SMG7: variants seen among roughly 807,000 people sequenced by gnomAD.
SMG7 encodes nonsense-mediated mRNA decay factor SMG7.
Under a neutral mutation model 148.2 loss-of-function variants are expected in SMG7, and 34 were observed. The ratio of observed to expected loss-of-function variants is 0.23; its 90% CI spans 0.17 to 0.31. SMG7 has a LOEUF of 0.31. Ranked by LOEUF, SMG7 falls within the 10% of genes least tolerant of loss-of-function variation. The probability of loss-of-function intolerance (pLI) is 1.00; values close to 1 mark genes in which losing one functional copy is unlikely to be tolerated. For synonymous variants in SMG7, 492 were observed against 515.1 expected (o/e 0.96, Z 0.61); for missense variants, 1,114 against 1,408.4 (o/e 0.79, Z 3.35).
rs146409162 is a variant in SMG7, at chr1:183,510,232, A to G, written c.30-2605A>G. The stretch of plus-strand genomic sequence containing the variant: ...GTCATTCATTGAATCTAGTAAAGGT[A>G]CATAATTAACCCTAGCTTTCTCACT... On this transcript the variant is annotated intron_variant, in intron 1 of 22. Coordinates refer to ENST00000688051, the MANE Select transcript of SMG7 (RefSeq NM_001375584.1). Among the ~76,000 whole-genome samples the G allele has an allele frequency of 5.7e-4, 87 of 152,320 alleles. 1 individual carries two copies. Among genetic ancestry groups the G allele is most frequent in the Middle Eastern group, 6.8e-3 (2 of 294 alleles).
At chr1:183,545,439 A>G in intron 16 of SMG7, 127 bp downstream of exon 16, 1 of 1,086,066 alleles carries the variant, frequency 9.2e-7, no homozygotes, top group Non-Finnish European at 1.3e-6. Context: ...TTATGGGAAA[A>G]CAAAAGTATT....
chr1:183,547,664 A>AT (rs545973536), intron 18 of SMG7, among the ~76,000 whole-genome samples: 38 of 150,098 alleles, frequency 2.5e-4, no homozygotes, highest in South Asian at 4.2e-4. Flanking sequence ...TATGTTCTTG[A>AT]TTTTTTTTTT....
chr1:183,553,262 G>C lies in SMG7; in HGVS notation c.*1331G>C. The C allele has an allele frequency of 7.0e-7, 1 of 1,419,310 alleles. No homozygotes were observed. Among genetic ancestry groups the C allele is most frequent in the Non-Finnish European group, 9.5e-7 (1 of 1,057,846 alleles). The allele number at this position is 1,419,310 out of a possible 1,614,324, so 87.9% of individuals were successfully genotyped here. On this transcript the variant is annotated 3_prime_UTR_variant, in exon 23 of 23. Coordinates refer to ENST00000688051, the MANE Select transcript of SMG7 (RefSeq NM_001375584.1). ...CTGAAAATGTTCTTGTGTAGAAACA[G>C]AAGGACAGCATTTCTGTTAGTCATT...
chr1:183,544,441 C>G lies in SMG7; in HGVS notation c.1931C>G (p.Ser644Cys). Residue 644 changes from serine (S) to cysteine (C), a missense_variant, in exon 15 of 23, where the codon TCC (serine) becomes TGC (cysteine). Ser to Cys is a moderately radical substitution (Grantham distance 112, BLOSUM62 -1). Coordinates refer to ENST00000688051, the MANE Select transcript of SMG7 (RefSeq NM_001375584.1). ...VTQTPTQASNSQFIPIHHPGA... is the reference protein window; with the variant it reads ...VTQTPTQASNCQFIPIHHPGA... ...CAAACCCCAACTCAAGCAAGTAACT[C>G]CCAGTTCATCCCCATTCATCACCCT... The G allele has an allele frequency of 6.2e-7, 1 of 1,613,900 alleles. No homozygotes were observed. The highest frequency in any genetic ancestry group is 8.5e-7 in the Non-Finnish European group (1 of 1,179,848).
rs1668146611 is a variant in SMG7, at chr1:183,538,235, T to C, written c.1235-145T>C. 4.9e-6 allele frequency: 3 copies of C among 616,070 alleles called. No individual in the cohort carries two copies. In the East Asian group the frequency reaches 8.5e-5, roughly 17 times the overall value. 38.2% of individuals were successfully genotyped at this position (616,070 alleles called of 1,614,324 possible). ...AGTTTTGACAGGTGAGTTATTTTCATCAGGATCATGATAAAGAAGAGCAGA... is the reference window on the plus strand; with the variant it reads ...AGTTTTGACAGGTGAGTTATTTTCACCAGGATCATGATAAAGAAGAGCAGA... On this transcript the variant is annotated intron_variant, in intron 11 of 22. Transcript: ENST00000688051.
In SMG7 at chr1:183,545,819, A is replaced by G. The variant is rs1036851421; in HGVS notation, c.2371-147A>G. On this transcript the variant is annotated intron_variant, in intron 16 of 22. Coordinates refer to ENST00000688051, the MANE Select transcript of SMG7 (RefSeq NM_001375584.1). Reference sequence around the variant, plus strand: ...GTTTCCAAAAAGCTCTGAGTATTGAATAGCCCAAAAGGTAAAGGAAACTGC... The same window carrying G: ...GTTTCCAAAAAGCTCTGAGTATTGAGTAGCCCAAAAGGTAAAGGAAACTGC... 5.9e-6 allele frequency: 5 copies of G among 842,318 alleles called. No homozygotes were observed. In the African/African-American group the frequency reaches 8.6e-5, roughly 14 times the overall value. 52.2% of individuals were successfully genotyped at this position (842,318 alleles called of 1,614,324 possible).
chr1:183,527,051 A>T lies in SMG7; in HGVS notation c.484+284A>T, dbSNP rs565713369. Among the ~76,000 whole-genome samples the T allele has an allele frequency of 6.6e-6, 1 of 152,264 alleles. No homozygotes were observed. The highest frequency in any genetic ancestry group is 2.1e-4 in the South Asian group (1 of 4,830). On this transcript the variant is annotated intron_variant, in intron 5 of 22. Transcript: ENST00000688051. This position sits in a 1 kb window ranked among gnomAD's most constrained non-coding sequence, Gnocchi z 4.0. ...ACAGCAAAAACATAATCAAAGCTTAATTTTTCAAAGTGGTGCCATAATTTC... is the reference window on the plus strand; with the variant it reads ...ACAGCAAAAACATAATCAAAGCTTATTTTTTCAAAGTGGTGCCATAATTTC...
At chr1:183,498,175 A>G (rs73054009) in intron 1 of SMG7, among the ~76,000 whole-genome samples, 3 of 152,270 alleles carry the variant, frequency 2.0e-5, no homozygotes, top group African/African-American at 7.2e-5. Context: ...ACCTGTTCCA[A>G]GTTAGAAAGT....
chr1:183,544,841 C>G, intron 15 of SMG7, 89 bp from the exon 16 acceptor site: 3 of 1,325,836 alleles, frequency 2.3e-6, no homozygotes, highest in Non-Finnish European at 3.1e-6. Flanking sequence ...TAGAAGACTC[C>G]CTCTACCTAC....
rs1355045358 is a variant in SMG7 at position 183,544,950 on chromosome 1, G to A, written c.2008G>A (p.Val670Ile). 6.2e-7 allele frequency: 1 copy of A among 1,613,440 alleles called. No individual in the cohort carries two copies. The highest frequency in any genetic ancestry group is 2.2e-5 in the East Asian group (1 of 44,862). Residue 670 changes from valine (V) to isoleucine (I), a missense_variant, in exon 16 of 23, where the codon GTT (valine) becomes ATT (isoleucine). This residue lies in a region of SMG7 where 788 missense variants were observed against 894.5 expected (regional missense o/e 0.88). Coordinates refer to ENST00000688051, the MANE Select transcript of SMG7 (RefSeq NM_001375584.1). ...SRPGFPPPTY[V>I]IPPPVAFSMG... ...TGAAGGGTTTCCGCCCCCAACATAT[G>A]TTATCCCCCCGCCTGTGGCATTTTC...
intron 10 of SMG7, among the ~76,000 whole-genome samples, chr1:183,536,544 A>AT (rs936806201): frequency 6.6e-6 from 1 of 152,180 alleles, no homozygotes; most frequent in African/African-American, 2.4e-5. Context: ...ACAAATACAT[A>AT]TATAGTACGT....
chr1:183,540,728 C>T (rs1316648967), intron 12 of SMG7, among the ~76,000 whole-genome samples: 1 of 152,068 alleles, frequency 6.6e-6, no homozygotes, highest in African/African-American at 2.4e-5. Context: ...TATTTGAGCT[C>T]CCTGACTAGA....
chr1:183,533,613 T>C, intron 9 of SMG7, 63 bp from the exon 10 acceptor site: 6 of 1,405,602 alleles, frequency 4.3e-6, no homozygotes, highest in Non-Finnish European at 4.9e-6. Context: ...GCACATAATA[T>C]TTTAATTTGA....
chr1:183,506,042 T>C (rs1571886551), intron 1 of SMG7, among the ~76,000 whole-genome samples: 1 of 152,242 alleles, frequency 6.6e-6, no homozygotes, highest in Non-Finnish European at 1.5e-5. Flanking sequence ...TTGTTCTGTC[T>C]GGATTCTTCA....
At chr1:183,476,705 C>T (rs1442386552) in intron 1 of SMG7, among the ~76,000 whole-genome samples, 3 of 152,096 alleles carry the variant, frequency 2.0e-5, no homozygotes, top group Admixed American at 6.6e-5. Flanking sequence ...TTTTAATACA[C>T]TGACAAGACT....
chr1:183,534,235 A>G (rs1300911539), intron 10 of SMG7, among the ~76,000 whole-genome samples: 1 of 152,224 alleles, frequency 6.6e-6, no homozygotes. Flanking sequence ...GTTGCCTTAC[A>G]GTAACACTCA....
Position 183,553,433 on chromosome 1 carries a change from C to A in SMG7, c.*1502C>A. 2.0e-6 allele frequency: 1 copy of A among 507,108 alleles called. No individual in the cohort carries two copies. Among genetic ancestry groups the A allele is most frequent in the Non-Finnish European group, 3.6e-6 (1 of 281,060 alleles). 31.4% of individuals were successfully genotyped at this position (507,108 alleles called of 1,614,324 possible). ...ACACACACGTGCCCATCTGCTGTCC[C>A]AGAGGGGAGGGGTTGTGTGTGCGAG... On this transcript the variant is annotated 3_prime_UTR_variant, in exon 23 of 23. Transcript: ENST00000688051.
At position 183,545,196 on chromosome 1, in the gene SMG7, A is replaced by G. The variant is rs1669704873; in HGVS notation, c.2254A>G (p.Thr752Ala). 1 of 1,614,170 alleles carries G rather than the reference A, an allele frequency of 6.2e-7. No homozygotes were observed. The highest frequency in any genetic ancestry group is 1.7e-4 in the Middle Eastern group (1 of 6,058). The change falls in exon 16 of 23, where the codon ACA (threonine) becomes GCA (alanine). Residue 752 changes from threonine (T) to alanine (A), a missense_variant. Coordinates refer to ENST00000688051, the MANE Select transcript of SMG7 (RefSeq NM_001375584.1). ...QPLTSLPAQPTAQSTSQLQVQ... is the reference protein window; with the variant it reads ...QPLTSLPAQPAAQSTSQLQVQ... ...CCTTACATCTTTACCAGCTCAGCCA[A>G]CAGCACAGTCTACAAGCCAGCTGCA...
chr1:183,483,934 C>T (rs1261791984), intron 1 of SMG7, among the ~76,000 whole-genome samples: 1 of 152,064 alleles, frequency 6.6e-6, no homozygotes, highest in Admixed American at 6.5e-5. Flanking sequence ...CCTAAGACAG[C>T]GGCACGGCAT....
Sources: gnomAD v4.1 joint callset for allele counts (sites outside exome capture counted in the v4.1 genomes callset) on GRCh38, gnomAD v4.1.1 for gene constraint, gnomAD v4.1.1 regional missense constraint, Gnocchi (gnomAD v3.1) non-coding constraint, MANE v1.5 for transcripts, NCBI Gene and HGNC (gene_info 2026-07-23, HGNC 2026-07-21) for gene names.